Variants in SLC30A5 observed in about 807,000 individuals in gnomAD.
SLC30A5 encodes the protein proton-coupled zinc antiporter SLC30A5.
A neutral mutation model predicts 79.6 loss-of-function variants in SLC30A5; 33 were observed. The observed-to-expected ratio is 0.41, with a 90% CI of 0.31 to 0.55. The LOEUF (loss-of-function observed/expected upper bound fraction) is 0.55. Among genes scored for constraint, SLC30A5 ranks in the 20% least tolerant of loss-of-function variants. The probability of loss-of-function intolerance (pLI) is 0.20; values close to 1 mark genes in which losing one functional copy is unlikely to be tolerated. For missense variants in SLC30A5, 788 were observed against 928.1 expected (o/e 0.85, Z 1.96); for synonymous variants, 299 against 319.7 (o/e 0.94, Z 0.69).
chr5:69,118,176 CA>C (rs376300891), intron 11 of SLC30A5, among the ~76,000 whole-genome samples: 981 of 83,282 alleles, frequency 0.012, 18 homozygotes, highest in African/African-American at 0.032. Flanking sequence ...GACTCTGTCT[CA>C]AAAAAAAAAA....
chr5:69,096,973 A>C (rs189771170), intron 1 of SLC30A5, among the ~76,000 whole-genome samples: 9,143 of 105,210 alleles, frequency 0.087, 543 homozygotes, highest in African/African-American at 0.16. Context: ...TTTCCCCTCC[A>C]AAAAAAAACC....
At chr5:69,122,080 T>C (rs902860072) in intron 13 of SLC30A5, among the ~76,000 whole-genome samples, 185 bp downstream of exon 13, 1 of 152,214 alleles carries the variant, frequency 6.6e-6, no homozygotes, top group Admixed American at 6.5e-5. Context: ...TAAAATTAAA[T>C]ATTATTCAGC....
chr5:69,104,669 T>G lies in SLC30A5; in HGVS notation c.312T>G (p.Ile104Met), dbSNP rs140235825. 7 of 1,577,056 alleles carry G rather than the reference T, an allele frequency of 4.4e-6. No homozygotes were observed. The highest frequency in any genetic ancestry group is 6.0e-6 in the Non-Finnish European group (7 of 1,165,860). The change falls in exon 4 of 16, where the codon ATT becomes ATG. Residue 104 changes from isoleucine (I) to methionine (M), a missense_variant. Physicochemically the swap from Ile to Met is conservative, Grantham distance 10. This residue lies in a region of SLC30A5 where 626 missense variants were observed against 755.5 expected (regional missense o/e 0.83). Transcript: ENST00000396591. ...KIFKHAVAGC[I>M]ISLLWFFGLT... Reference sequence around the variant, plus strand: ...TTAAACATGCAGTTGCTGGGTGTATTATTTCACTCTTGTGGTTTTTTGGCC... The same window carrying G: ...TTAAACATGCAGTTGCTGGGTGTATGATTTCACTCTTGTGGTTTTTTGGCC...
At chr5:69,099,383 T>C (rs1057162527) in intron 1 of SLC30A5, among the ~76,000 whole-genome samples, 4 of 152,248 alleles carry the variant, frequency 2.6e-5, no homozygotes, top group Non-Finnish European at 4.4e-5. Flanking sequence ...TTCTTTATCC[T>C]TAAATCCTTG....
At chr5:69,094,424 C>T (rs1393552705) in intron 1 of SLC30A5, 86 bp downstream of exon 1, 1 of 1,219,162 alleles carries the variant, frequency 8.2e-7, no homozygotes, top group African/African-American at 1.6e-5. Context: ...CGCTGACAGC[C>T]CGGGACGTCC....
chr5:69,097,358 G>A (rs944950521), intron 1 of SLC30A5, among the ~76,000 whole-genome samples: 4 of 152,100 alleles, frequency 2.6e-5, no homozygotes, highest in African/African-American at 7.2e-5. Context: ...CTCGTGATCC[G>A]CCCGCCTGGG....
Position 69,118,559 on chromosome 5 carries a change from GT to G in SLC30A5, c.1506del (p.Phe502LeufsTer10). The G allele has an allele frequency of 6.2e-7, 1 of 1,603,046 alleles. No individual in the cohort carries two copies. Among genetic ancestry groups the G allele is most frequent in the Non-Finnish European group, 8.5e-7 (1 of 1,175,000 alleles). ...INGLFLIVIA[F>X]FVFMESVARL... ...ATGGACTTTTTCTAATAGTAATAGC[GT>G]TTTTTGTGTTTATGGAGTCAGTGGC... On this transcript the variant is annotated frameshift_variant, in exon 12 of 16. Coordinates refer to ENST00000396591, the MANE Select transcript of SLC30A5 (RefSeq NM_022902.5). LOFTEE classifies it high-confidence loss of function.
chr5:69,129,146 C>T lies in SLC30A5; in HGVS notation c.2128-301C>T, dbSNP rs559399127. ...AAAATGTGACACAGGTTTAATATTC[C>T]TTATCTAAAATGCTTGGAACCAGAA... On this transcript the variant is annotated intron_variant, in intron 15 of 15. Transcript: ENST00000396591. Among the ~76,000 whole-genome samples, 13 of 152,246 alleles carry T rather than the reference C, an allele frequency of 8.5e-5. No homozygotes were observed. In the South Asian group the frequency reaches 2.7e-3, roughly 32 times the overall value.
At chr5:69,104,326 C>T (rs1467395023) in intron 3 of SLC30A5, 34 of 523,042 alleles carry the variant, frequency 6.5e-5, no homozygotes, top group South Asian at 5.8e-4. Flanking sequence ...TTAGTAGAGA[C>T]GGGGCTTCAT....
Position 69,130,701 on chromosome 5 carries a change from C to T in SLC30A5, c.*1084C>T, listed in dbSNP as rs913388783. 1.3e-5 allele frequency: 2 copies of T among 151,952 alleles called. No individual in the cohort carries two copies. The highest frequency in any genetic ancestry group is 2.9e-5 in the Non-Finnish European group (2 of 67,970). The allele number at this position is 151,952 out of a possible 1,614,324, so 9.4% of individuals were successfully genotyped here. ...ATCTAATTTATATTTTTTTCATTTCCAGTTGTAACTAGATATGTAGTAAAG... is the reference window on the plus strand; with the variant it reads ...ATCTAATTTATATTTTTTTCATTTCTAGTTGTAACTAGATATGTAGTAAAG... On this transcript the variant is annotated 3_prime_UTR_variant, in exon 16 of 16. Transcript: ENST00000396591.
At chr5:69,097,512 G>T (rs1229053147) in intron 1 of SLC30A5, among the ~76,000 whole-genome samples, 2 of 152,036 alleles carry the variant, frequency 1.3e-5, no homozygotes, top group African/African-American at 4.8e-5. Context: ...CTGTTGCCCA[G>T]GATGGAGTGC....
chr5:69,130,507 T>C lies in SLC30A5; in HGVS notation c.*890T>C, dbSNP rs1296673954. ...ATCGTAAATAATTGTCAACTCACAG[T>C]TGAATTCTCTGCCTATGTAGGTAAC... On this transcript the variant is annotated 3_prime_UTR_variant, in exon 16 of 16. Transcript: ENST00000396591. 2.0e-5 allele frequency: 3 copies of C among 152,198 alleles called. No homozygotes were observed. Among genetic ancestry groups the C allele is most frequent in the African/African-American group, 4.8e-5 (2 of 41,470 alleles). 9.4% of individuals were successfully genotyped at this position (152,198 alleles called of 1,614,324 possible). A position where few individuals can be genotyped will look rare whatever the true frequency, so the allele number is the denominator to read the frequency against.
intron 6 of SLC30A5, among the ~76,000 whole-genome samples, 191 bp from the exon 7 acceptor site, chr5:69,114,229 C>A (rs1327901127): frequency 1.3e-5 from 2 of 152,102 alleles, no homozygotes; most frequent in Admixed American, 1.3e-4. Flanking sequence ...AAATGAGGTC[C>A]TGGAATTAAA....
chr5:69,123,672 TGAG>T (rs1402314523), intron 14 of SLC30A5: 1 of 392,838 alleles, frequency 2.5e-6, no homozygotes, highest in African/African-American at 2.0e-5. Context: ...TTTTCTTGGA[TGAG>T]AAGACTCTTT....
At position 69,117,362 on chromosome 5, in the gene SLC30A5, A is replaced by T. The variant is rs1400900984; in HGVS notation, c.1405A>T (p.Ser469Cys). Residue 469 changes from serine to cysteine, a missense_variant, in exon 11 of 16, where the codon AGT (serine) becomes TGT (cysteine). Coordinates refer to ENST00000396591, the MANE Select transcript of SLC30A5 (RefSeq NM_022902.5). ...CATGGGACTTTTTGCTGCCCTGATG[A>T]GTAGGTGGAAAGCCACTCGGATTTT... ...LVMGLFAALM[S>C]RWKATRIFSY... 1 of 1,613,982 alleles carries T rather than the reference A, an allele frequency of 6.2e-7. No individual in the cohort carries two copies. Among genetic ancestry groups the T allele is most frequent in the East Asian group, 2.2e-5 (1 of 44,872 alleles).
In SLC30A5 at chr5:69,121,733, A is replaced by T. The variant is rs1746537636; in HGVS notation, c.1609A>T (p.Ile537Phe). 1 of 1,613,548 alleles carries T rather than the reference A, an allele frequency of 6.2e-7. No individual in the cohort carries two copies. ...AGGGCTGATAGTAAACCTTATTGGT[A>T]TCTGTGCCTTTAGCCATGCCCATAG... ...VGGLIVNLIG[I>F]CAFSHAHSHA... The change falls in exon 13 of 16, where the codon ATC (isoleucine) becomes TTC (phenylalanine). Residue 537 changes from isoleucine (I) to phenylalanine (F), a missense_variant. This residue lies in a region of SLC30A5 where 626 missense variants were observed against 755.5 expected (regional missense o/e 0.83). Transcript: ENST00000396591.
intron 13 of SLC30A5, 150 bp downstream of exon 13, chr5:69,122,045 G>A: frequency 3.3e-6 from 2 of 613,298 alleles, no homozygotes; most frequent in Non-Finnish European, 2.9e-6. Context: ...TATCACTATA[G>A]AAAATATTCT....
chr5:69,127,951 T>C, intron 14 of SLC30A5, 53 bp from the exon 15 acceptor site: 2 of 1,483,974 alleles, frequency 1.3e-6, no homozygotes, highest in Non-Finnish European at 1.9e-6. Context: ...ATCTCCATTG[T>C]GTTGTGTAAA....
At chr5:69,114,524 CA>C in intron 7 of SLC30A5, 28 bp downstream of exon 7, 1 of 1,361,884 alleles carries the variant, frequency 7.3e-7, no homozygotes, top group Non-Finnish European at 1.0e-6. Flanking sequence ...CTAACAGGAT[CA>C]AAAGATTCTG....
Sources: allele counts gnomAD v4.1 joint callset (sites outside exome capture counted in the v4.1 genomes callset), GRCh38; gene constraint gnomAD v4.1.1; regional missense constraint gnomAD v4.1.1; transcripts MANE v1.5; gene names NCBI Gene and HGNC (gene_info 2026-07-23, HGNC 2026-07-21).